LACC1: variants seen among roughly 807,000 people sequenced by gnomAD.
LACC1 encodes laccase domain multifunctional purine nucleosidase 1.
In LACC1, 25 loss-of-function variants were observed where a neutral mutation model predicts 34.8. That is an observed-to-expected ratio of 0.72 (90% CI 0.52 to 1.00). The LOEUF is 1.00. LACC1 is among the 50% of genes least tolerant of loss of function. LACC1 has a pLI of 0.00. For missense variants in LACC1, 426 were observed against 511.2 expected (o/e 0.83, Z 1.61); for synonymous variants, 162 against 168.0 (o/e 0.96, Z 0.28).
chr13:43,885,285 G>T (rs956313677), intron 4 of LACC1, among the ~76,000 whole-genome samples: 1 of 152,086 alleles, frequency 6.6e-6, no homozygotes, highest in Non-Finnish European at 1.5e-5. Context: ...CCAAAAAAGA[G>T]CCCAAATAGC....
intron 6 of LACC1, 50 bp downstream of exon 6, chr13:43,890,324 C>G (rs764880143): frequency 4.9e-6 from 7 of 1,417,302 alleles, no homozygotes; most frequent in African/African-American, 1.4e-5. Flanking sequence ...TTTCATCCCT[C>G]TCTCCACTTC....
rs765000385 is a variant in LACC1, at chr13:43,883,937, G to A, written c.907+1G>A. On this transcript the variant is annotated splice_donor_variant, in intron 4 of 6. Transcript: ENST00000325686. LOFTEE classifies it high-confidence loss of function. ...AAAGCATGTGGGGTTGCTCACGCTGGTAAGTATACTTAATTAAACATTTAG... is the reference window on the plus strand; with the variant it reads ...AAAGCATGTGGGGTTGCTCACGCTGATAAGTATACTTAATTAAACATTTAG... The A allele has an allele frequency of 3.1e-6, 5 of 1,603,840 alleles. No homozygotes were observed. Among genetic ancestry groups the A allele is most frequent in the Non-Finnish European group, 4.3e-6 (5 of 1,175,146 alleles).
intron 4 of LACC1, among the ~76,000 whole-genome samples, chr13:43,885,291 A>C (rs1955259804): frequency 6.6e-6 from 1 of 152,236 alleles, no homozygotes; most frequent in African/African-American, 2.4e-5. Flanking sequence ...AAGAGCCCAA[A>C]TAGCCAAAGC....
chr13:43,892,107 G>A lies in LACC1; in HGVS notation c.*660G>A, dbSNP rs896433897. On this transcript the variant is annotated 3_prime_UTR_variant, in exon 7 of 7. Transcript: ENST00000325686. ...GAGTTAGGGCTGGAAAAACAGGTTG[G>A]AAACAGATAAGTAAGGGTCTCAAAT... 2.0e-5 allele frequency: 3 copies of A among 150,914 alleles called. No individual in the cohort carries two copies. Among genetic ancestry groups the A allele is most frequent in the Admixed American group, 2.0e-4 (3 of 15,136 alleles). 9.3% of individuals were successfully genotyped at this position (150,914 alleles called of 1,614,324 possible).
intron 1 of LACC1, among the ~76,000 whole-genome samples, chr13:43,880,439 G>C (rs1954950108): frequency 6.6e-6 from 1 of 152,222 alleles, no homozygotes; most frequent in Admixed American, 6.5e-5. Context: ...TGTGGTCATT[G>C]CTAAGTGTGG....
At chr13:43,884,319 GACCAACCA>G (rs964368005) in intron 4 of LACC1, among the ~76,000 whole-genome samples, 1 of 152,034 alleles carries the variant, frequency 6.6e-6, no homozygotes, top group Admixed American at 6.5e-5. Flanking sequence ...TAATAACCAA[GACCAACCA>G]ACCAACCAAT....
chr13:43,889,824 T>G (rs1288581602), intron 5 of LACC1, among the ~76,000 whole-genome samples: 3 of 152,252 alleles, frequency 2.0e-5, no homozygotes, highest in Non-Finnish European at 4.4e-5. Context: ...TAGACATTTC[T>G]TCTTAAATAA....
chr13:43,880,556 C>T (rs763425555), intron 1 of LACC1, among the ~76,000 whole-genome samples: 7 of 152,182 alleles, frequency 4.6e-5, no homozygotes, highest in Non-Finnish European at 8.8e-5. Flanking sequence ...ACTTAAGCCC[C>T]CGCATATGAA....
rs780346510 is a variant in LACC1 at position 43,881,150 on chromosome 13, T to C, written c.165T>C (p.Asp55=). 1.2e-6 allele frequency: 2 copies of C among 1,614,192 alleles called. No homozygotes were observed. The highest frequency in any genetic ancestry group is 1.7e-6 in the Non-Finnish European group (2 of 1,180,024). Residue 55 remains aspartate (D), a synonymous_variant, in exon 2 of 7, where the codon GAT becomes GAC. Transcript: ENST00000325686. The part of the protein sequence containing the change: ...MCCSNISYER[D]GEQDNCEIET... Reference sequence around the variant, plus strand: ...GCAGTAACATCAGCTATGAAAGGGATGGAGAACAAGATAATTGTGAAATAG... The same window carrying C: ...GCAGTAACATCAGCTATGAAAGGGACGGAGAACAAGATAATTGTGAAATAG...
chr13:43,888,002 G>A (rs1955406733), intron 4 of LACC1, among the ~76,000 whole-genome samples: 2 of 152,136 alleles, frequency 1.3e-5, no homozygotes, highest in Admixed American at 1.3e-4. Flanking sequence ...GCACACCAAT[G>A]TTGATAACAC....
intron 4 of LACC1, among the ~76,000 whole-genome samples, chr13:43,887,231 A>G (rs1955373925): frequency 6.6e-6 from 1 of 152,150 alleles, no homozygotes; most frequent in Non-Finnish European, 1.5e-5. Flanking sequence ...CCACATATTC[A>G]GTGGGTTACC....
chr13:43,882,124 T>A, intron 2 of LACC1, 61 bp from the exon 3 acceptor site: 1 of 1,333,592 alleles, frequency 7.5e-7, no homozygotes, highest in Non-Finnish European at 1.0e-6. Flanking sequence ...AGGGAAGGTC[T>A]AATTGAGAGA....
At chr13:43,882,569 A>ATATC in intron 3 of LACC1, among the ~76,000 whole-genome samples, 1 of 146,734 alleles carries the variant, frequency 6.8e-6, no homozygotes, top group East Asian at 2.0e-4. Context: ...GTGCAGATAT[A>ATATC]TATATATATA....
chr13:43,879,647 G>A (rs3816311), upstream of LACC1: 75,793 of 152,468 alleles, frequency 0.5, 19,225 homozygotes, highest in Middle Eastern at 0.6. Flanking sequence ...CCCGCCTCCC[G>A]GCAGCTGGCA....
rs1334358407 is a variant in LACC1, at chr13:43,892,860, A to G, written c.*1413A>G. On this transcript the variant is annotated 3_prime_UTR_variant, in exon 7 of 7. Transcript: ENST00000325686. ...ATAAAATAAAGTGATAATTTAAAAG[A>G]AATCAATGGATTAAACATATTGAAA... is the stretch of plus-strand genomic sequence containing the variant. 2 of 152,260 alleles carry G rather than the reference A, an allele frequency of 1.3e-5. No homozygotes were observed. Among genetic ancestry groups the G allele is most frequent in the Admixed American group, 6.5e-5 (1 of 15,280 alleles). 9.4% of individuals were successfully genotyped at this position (152,260 alleles called of 1,614,324 possible). A position where few individuals can be genotyped will look rare whatever the true frequency, so the allele number is the denominator to read the frequency against.
At position 43,888,962 on chromosome 13, in the gene LACC1, C is replaced by T. The variant is rs779668596; in HGVS notation, c.1113C>T (p.Ile371=). 2.5e-5 allele frequency: 41 copies of T among 1,613,006 alleles called. No homozygotes were observed. The highest frequency in any genetic ancestry group is 1.6e-4 in the Middle Eastern group (1 of 6,078). Residue 371 remains isoleucine, a synonymous_variant, in exon 5 of 7, where the codon ATC becomes ATT. Coordinates refer to ENST00000325686, the MANE Select transcript of LACC1 (RefSeq NM_153218.4). ...VQLFDSPNPC[I]DIRKATRILL... Reference sequence around the variant, plus strand: ...TATTTGATTCACCAAATCCCTGTATCGACATCCGTAAAGCCACAAGGTATG... The same window carrying T: ...TATTTGATTCACCAAATCCCTGTATTGACATCCGTAAAGCCACAAGGTATG...
rs1331227948 is a variant in LACC1, at chr13:43,892,859, G to T, written c.*1412G>T. ...GATAAAATAAAGTGATAATTTAAAA[G>T]AAATCAATGGATTAAACATATTGAA... On this transcript the variant is annotated 3_prime_UTR_variant, in exon 7 of 7. Transcript: ENST00000325686. The T allele has an allele frequency of 2.6e-5, 4 of 152,292 alleles. No homozygotes were observed. The highest frequency in any genetic ancestry group is 7.2e-5 in the African/African-American group (3 of 41,578). The allele number at this position is 152,292 out of a possible 1,614,324, so 9.4% of individuals were successfully genotyped here.
intron 6 of LACC1, among the ~76,000 whole-genome samples, chr13:43,890,710 T>G (rs1022748474): frequency 2.6e-5 from 4 of 152,242 alleles, no homozygotes; most frequent in Admixed American, 2.6e-4. Context: ...GCATAAACAT[T>G]CTGAATTCTA....
rs1202710341 is a variant in LACC1 at position 43,891,906 on chromosome 13, A to G, written c.*459A>G. Reference sequence around the variant, plus strand: ...AACATAAGGAATAGAGGTTAATTTTACCCAGAAGCAGGATAGAGAAAATAT... The same window carrying G: ...AACATAAGGAATAGAGGTTAATTTTGCCCAGAAGCAGGATAGAGAAAATAT... On this transcript the variant is annotated 3_prime_UTR_variant, in exon 7 of 7. Transcript: ENST00000325686. 1.3e-5 allele frequency: 2 copies of G among 152,198 alleles called. No homozygotes were observed. The highest frequency in any genetic ancestry group is 3.8e-4 in the East Asian group (2 of 5,202). 9.4% of individuals were successfully genotyped at this position (152,198 alleles called of 1,614,324 possible).
Sources: gnomAD v4.1 joint callset for allele counts (sites outside exome capture counted in the v4.1 genomes callset) on GRCh38, gnomAD v4.1.1 for gene constraint, MANE v1.5 for transcripts, NCBI Gene and HGNC (gene_info 2026-07-23, HGNC 2026-07-21) for gene names.